Variants in DENND3 observed in about 807,000 individuals in gnomAD.
DENND3 encodes DENN domain containing 3.
A neutral mutation model predicts 135.1 loss-of-function variants in DENND3; 88 were observed. That is an observed-to-expected ratio of 0.65 (90% CI 0.55 to 0.78). The LOEUF is 0.78. Ranked by LOEUF, DENND3 falls within the 30% of genes least tolerant of loss-of-function variation. DENND3 has a pLI of 0.00. For missense variants in DENND3, 1,392 were observed against 1,688.4 expected, an observed-to-expected ratio of 0.82 and a Z score of 3.08; for synonymous variants, 693 against 712.3, an observed-to-expected ratio of 0.97 and a Z score of 0.43.
In DENND3 at chr8:141,180,747, T is replaced by C; in HGVS notation, c.2837T>C (p.Met946Thr). 6.2e-7 allele frequency: 1 copy of C among 1,611,860 alleles called. No homozygotes were observed. Among genetic ancestry groups the C allele is most frequent in the South Asian group, 1.1e-5 (1 of 90,400 alleles). Residue 946 changes from methionine to threonine, a missense_variant and splice_region_variant, in exon 17 of 23, where the codon ATG becomes ACG. Transcript: ENST00000519811. The part of the protein sequence containing the change: ...LSYFDKMSNE[M>T]PMTLPETTLE... ...ACACTCCAAGTGTCTTGTCTTTCAG[T>C]GCCCATGACGCTTCCGGAGACAACC...
chr8:141,189,205 C>T (rs1182989569), intron 19 of DENND3, 59 bp downstream of exon 19: 4 of 1,608,958 alleles, frequency 2.5e-6, no homozygotes, highest in African/African-American at 2.7e-5. Flanking sequence ...GCAGAAGGCA[C>T]AGCGGGTAGG....
Position 141,194,367 on chromosome 8 carries a change from G to T in DENND3, c.*134G>T. On this transcript the variant is annotated 3_prime_UTR_variant, in exon 23 of 23. Transcript: ENST00000519811. ...AGGCTCAGCATGGAGCCCACTTACC[G>T]TGTGGCCAGCCGCGAGACCCATGGC... is the stretch of plus-strand genomic sequence containing the variant. 9.0e-7 allele frequency: 1 copy of T among 1,114,916 alleles called. No homozygotes were observed. The highest frequency in any genetic ancestry group is 1.3e-6 in the Non-Finnish European group (1 of 789,672). 69.1% of individuals were successfully genotyped at this position (1,114,916 alleles called of 1,614,324 possible). A position where few individuals can be genotyped will look rare whatever the true frequency, so the allele number is the denominator to read the frequency against.
chr8:141,190,255 AGGT>A (rs1824538940), intron 19 of DENND3, 26 bp from the exon 20 acceptor site: 1 of 1,542,848 alleles, frequency 6.5e-7, no homozygotes, highest in African/African-American at 1.4e-5. Flanking sequence ...CCCAAGTTAA[AGGT>A]GTGTGTGTGT....
chr8:141,182,369 C>T lies in DENND3; in HGVS notation c.2944+1515C>T, dbSNP rs1196453254. Reference sequence around the variant, plus strand: ...AGACCCTGGCTGAGTGAGCAGGCAGCGTCATCAGGGCCGCCCCGCGTGAGC... The same window carrying T: ...AGACCCTGGCTGAGTGAGCAGGCAGTGTCATCAGGGCCGCCCCGCGTGAGC... On this transcript the variant is annotated intron_variant, in intron 17 of 22. Coordinates refer to ENST00000519811, the MANE Select transcript of DENND3 (RefSeq NM_001352890.3). This position sits in a 1 kb window ranked among gnomAD's most constrained non-coding sequence, Gnocchi z 5.9. The T allele has an allele frequency of 2.3e-5, 23 of 985,310 alleles. No individual in the cohort carries two copies. In the South Asian group the frequency reaches 6.1e-4, roughly 26 times the overall value. The allele number at this position is 985,310 out of a possible 1,614,324, so 61.0% of individuals were successfully genotyped here. A position where few individuals can be genotyped will look rare whatever the true frequency, so the allele number is the denominator to read the frequency against.
intron 1 of DENND3, among the ~76,000 whole-genome samples, chr8:141,131,246 A>C (rs1426354421): frequency 1.3e-5 from 2 of 152,088 alleles, no homozygotes; most frequent in Non-Finnish European, 2.9e-5. Context: ...CCCCTTTACT[A>C]TAGAGCCCTC....
At position 141,138,758 on chromosome 8, in the gene DENND3, C is replaced by A. The variant is rs532713969; in HGVS notation, c.501+621C>A. 6.6e-6 allele frequency among the ~76,000 whole-genome samples: 1 copy of A among 152,310 alleles called. No homozygotes were observed. Among genetic ancestry groups the A allele is most frequent in the East Asian group, 1.9e-4 (1 of 5,182 alleles). ...GTAAGTGGACTCATACAGCATGTGG[C>A]CTGCTTGTCTGACTTCTTTCCCTCA... On this transcript the variant is annotated intron_variant, in intron 3 of 22. Transcript: ENST00000519811. The surrounding 1 kb of genome is among the most constrained non-coding windows in gnomAD (Gnocchi z 4.8).
At position 141,141,381 on chromosome 8, in the gene DENND3, A is replaced by T; in HGVS notation, c.623+57A>T. ...AGGGGGCAGCTCTTTGTGCCTCTCC[A>T]GGTGAGCCAAGGGACCAGGGGGCTG... is the stretch of plus-strand genomic sequence containing the variant. On this transcript the variant is annotated intron_variant, in intron 4 of 22. Coordinates refer to ENST00000519811, the MANE Select transcript of DENND3 (RefSeq NM_001352890.3). The surrounding 1 kb of genome is among the most constrained non-coding windows in gnomAD (Gnocchi z 5.3). 6.9e-7 allele frequency: 1 copy of T among 1,446,092 alleles called. No homozygotes were observed. Among genetic ancestry groups the T allele is most frequent in the Non-Finnish European group, 9.3e-7 (1 of 1,076,072 alleles). 89.6% of individuals were successfully genotyped at this position (1,446,092 alleles called of 1,614,324 possible).
At position 141,168,377 on chromosome 8, in the gene DENND3, C is replaced by T. The variant is rs769693418; in HGVS notation, c.2127C>T (p.His709=). The T allele has an allele frequency of 2.7e-5, 43 of 1,613,754 alleles. No individual in the cohort carries two copies. The highest frequency in any genetic ancestry group is 1.8e-4 in the East Asian group (8 of 44,890). ...TCAGCGAGATCCTGGACAAGCCGCA[C>T]GAGGCCTCGAAGCTGGACGACCACG... The part of the protein sequence containing the change: ...RLISEILDKP[H]EASKLDDHVK... Residue 709 remains histidine (H), a synonymous_variant, in exon 13 of 23, where the codon CAC becomes CAT. Coordinates refer to ENST00000519811, the MANE Select transcript of DENND3 (RefSeq NM_001352890.3). This position sits in a 1 kb window ranked among gnomAD's most constrained non-coding sequence, Gnocchi z 6.2.
intron 10 of DENND3, among the ~76,000 whole-genome samples, chr8:141,163,656 C>T (rs553530959): frequency 1.3e-5 from 2 of 152,040 alleles, no homozygotes; most frequent in South Asian, 4.1e-4. Flanking sequence ...GCCTGTAATC[C>T]CAGCACTTTG....
At position 141,130,872 on chromosome 8, in the gene DENND3, A is replaced by G. The variant is rs746226363; in HGVS notation, c.102+2063A>G. On this transcript the variant is annotated intron_variant, in intron 1 of 22. Coordinates refer to ENST00000519811, the MANE Select transcript of DENND3 (RefSeq NM_001352890.3). This position sits in a 1 kb window ranked among gnomAD's most constrained non-coding sequence, Gnocchi z 4.2. ...CAGCTAATTTTTGTATTTTTAGTAGAGACAGGGTTTCACCACGTTGGTCAG... is the reference window on the plus strand; with the variant it reads ...CAGCTAATTTTTGTATTTTTAGTAGGGACAGGGTTTCACCACGTTGGTCAG... Among the ~76,000 whole-genome samples, 13 of 152,066 alleles carry G rather than the reference A, an allele frequency of 8.5e-5. No individual in the cohort carries two copies. Among genetic ancestry groups the G allele is most frequent in the Non-Finnish European group, 1.5e-4 (10 of 68,012 alleles).
chr8:141,194,144 G>A lies in DENND3; in HGVS notation c.3748G>A (p.Val1250Met), dbSNP rs769947015. The A allele has an allele frequency of 4.3e-6, 7 of 1,613,918 alleles. No homozygotes were observed. Among genetic ancestry groups the A allele is most frequent in the Non-Finnish European group, 5.9e-6 (7 of 1,180,010 alleles). The change falls in exon 23 of 23, where the codon GTG (valine) becomes ATG (methionine). Residue 1250 changes from valine to methionine, a missense_variant. Transcript: ENST00000519811. Reference sequence around the variant, plus strand: ...GGAGCTGGTGGCGCACATGGACACCGTGAGGACGCTGTGCTCGGCTGAGGA... The same window carrying A: ...GGAGCTGGTGGCGCACATGGACACCATGAGGACGCTGTGCTCGGCTGAGGA... ...EKELVAHMDTVRTLCSAEDRY... is the reference protein window; with the variant it reads ...EKELVAHMDTMRTLCSAEDRY...
intron 5 of DENND3, among the ~76,000 whole-genome samples, chr8:141,150,016 A>G (rs1227571265): frequency 6.6e-6 from 1 of 152,140 alleles, no homozygotes; most frequent in Non-Finnish European, 1.5e-5. Flanking sequence ...TTACCCTCCC[A>G]GGTGTTCCCT....
chr8:141,189,803 G>A (rs1016098869), intron 19 of DENND3, among the ~76,000 whole-genome samples: 4 of 152,168 alleles, frequency 2.6e-5, no homozygotes, highest in Admixed American at 6.5e-5. Flanking sequence ...CAGGGGTGGC[G>A]CAGGGTGCAG....
chr8:141,132,185 T>G (rs1224095075), intron 1 of DENND3, among the ~76,000 whole-genome samples: 2 of 152,162 alleles, frequency 1.3e-5, no homozygotes, highest in Admixed American at 6.5e-5. Context: ...GAACCTGTTA[T>G]GTAGGATGAC....
In DENND3 at chr8:141,174,338, A is replaced by G. The variant is rs895524773; in HGVS notation, c.2276-862A>G. On this transcript the variant is annotated intron_variant, in intron 13 of 22. Transcript: ENST00000519811. This position sits in a 1 kb window ranked among gnomAD's most constrained non-coding sequence, Gnocchi z 4.6. ...GCGGGTGGCTCTGAAGGCAGGAGCC[A>G]CTGAGGAGGGTTTTCCTGTGCAGAA... Among the ~76,000 whole-genome samples, 1 of 152,136 alleles carries G rather than the reference A, an allele frequency of 6.6e-6. No homozygotes were observed. The highest frequency in any genetic ancestry group is 1.5e-5 in the Non-Finnish European group (1 of 68,024).
Position 141,174,112 on chromosome 8 carries a change from G to A in DENND3, c.2276-1088G>A, listed in dbSNP as rs1201479151. ...CCTGGTGTGAGCAGGCAGGATGAGT[G>A]TGTGTGTGCGTGTAACAACACGACC... On this transcript the variant is annotated intron_variant, in intron 13 of 22. Coordinates refer to ENST00000519811, the MANE Select transcript of DENND3 (RefSeq NM_001352890.3). The surrounding 1 kb of genome is among the most constrained non-coding windows in gnomAD (Gnocchi z 4.6). Among the ~76,000 whole-genome samples, 1 of 152,150 alleles carries A rather than the reference G, an allele frequency of 6.6e-6. No homozygotes were observed. Among genetic ancestry groups the A allele is most frequent in the African/African-American group, 2.4e-5 (1 of 41,420 alleles).
At chr8:141,159,508 G>C (rs307751) in intron 8 of DENND3, among the ~76,000 whole-genome samples, 104,583 of 152,034 alleles carry the variant, frequency 0.69, 36,399 homozygotes, top group African/African-American at 0.78. Context: ...GCCCATCGCT[G>C]TGATGTGCGT....
intron 13 of DENND3, among the ~76,000 whole-genome samples, chr8:141,169,885 C>T (rs959867421): frequency 2.0e-5 from 3 of 152,176 alleles, no homozygotes; most frequent in Admixed American, 6.5e-5. Flanking sequence ...GTGTGGGCAC[C>T]ATTTGTCCAC....
intron 22 of DENND3, 135 bp from the exon 23 acceptor site, chr8:141,193,898 C>A: frequency 9.9e-7 from 1 of 1,009,204 alleles, no homozygotes; most frequent in Non-Finnish European, 1.5e-6. Flanking sequence ...CCCTGACCCT[C>A]AGGCGGCAGA....
Sources: gnomAD v4.1 joint callset for allele counts (sites outside exome capture counted in the v4.1 genomes callset) on GRCh38, gnomAD v4.1.1 for gene constraint, Gnocchi (gnomAD v3.1) non-coding constraint, MANE v1.5 for transcripts, NCBI Gene and HGNC (gene_info 2026-07-23, HGNC 2026-07-21) for gene names.